Variants in DOCK11 observed in about 807,000 individuals in gnomAD.
DOCK11 encodes dedicator of cytokinesis protein 11.
DOCK11 carries 70 observed loss-of-function variants against 169.1 expected under a neutral mutation model. The observed-to-expected ratio is 0.41, with a 90% CI of 0.34 to 0.51. The LOEUF (loss-of-function observed/expected upper bound fraction) is 0.51. Ranked by LOEUF, DOCK11 falls within the 20% of genes least tolerant of loss-of-function variation. The pLI is 0.10. For synonymous variants in DOCK11, 529 were observed against 541.3 expected, an observed-to-expected ratio of 0.98 and a Z score of 0.32; for missense variants, 1,166 against 1,538.8, an observed-to-expected ratio of 0.76 and a Z score of 4.05.
At chrX:118,631,436 T>A (rs1462656919) in intron 35 of DOCK11, among the ~76,000 whole-genome samples, 1 of 111,564 alleles carries the variant, frequency 9.0e-6, no homozygotes, top group Non-Finnish European at 1.9e-5. Flanking sequence ...GTTCTAGGAA[T>A]GTACGATTTA....
chrX:118,586,809 C>T (rs1226398880), intron 16 of DOCK11, among the ~76,000 whole-genome samples: 1 of 111,495 alleles, frequency 9.0e-6, no homozygotes, highest in African/African-American at 3.3e-5. Context: ...CAGTATAGCT[C>T]TAGTGTAGTA....
rs192469626 is a variant in DOCK11 at position 118,548,436 on chromosome X, C to G, written c.558+2320C>G. 6.2e-3 allele frequency among the ~76,000 whole-genome samples: 693 copies of G among 111,788 alleles called. 7 individuals are homozygous for G. The highest frequency in any genetic ancestry group is 0.022 in the African/African-American group (672 of 30,763). On this transcript the variant is annotated intron_variant, in intron 6 of 52. Coordinates refer to ENST00000276202, the MANE Select transcript of DOCK11 (RefSeq NM_144658.4). ...GCAAAGAGGAATTAAAATTACTAAT[C>G]GGCAGGAGGGACGGTATCCACAATT...
chrX:118,671,803 C>A (rs975972060), intron 46 of DOCK11, among the ~76,000 whole-genome samples: 1 of 111,881 alleles, frequency 8.9e-6, no homozygotes, highest in Admixed American at 9.5e-5. Context: ...CCTCAGCCTT[C>A]CCAGTAGCTG....
At position 118,618,577 on chromosome X, in the gene DOCK11, A is replaced by G; in HGVS notation, c.3320A>G (p.Asp1107Gly). The part of the protein sequence containing the change: ...QDSNLEYSLS[D>G]EYCKHHFLVG... ...TCAAATCTTGAATACAGTTTATCAG[A>G]TGAGTATTGCAAGCATCACTTCTTG... Residue 1107 changes from aspartate (D) to glycine (G), a missense_variant, in exon 31 of 53, where the codon GAT becomes GGT. Asp to Gly is a moderately conservative substitution (Grantham distance 94). Transcript: ENST00000276202. 8.3e-7 allele frequency: 1 copy of G among 1,204,538 alleles called. No individual in the cohort carries two copies. Among genetic ancestry groups the G allele is most frequent in the Non-Finnish European group, 1.1e-6 (1 of 892,723 alleles).
At chrX:118,621,729 G>C (rs1200449833) in intron 31 of DOCK11, among the ~76,000 whole-genome samples, 1 of 111,284 alleles carries the variant, frequency 9.0e-6, no homozygotes, top group Non-Finnish European at 1.9e-5. Context: ...CGCCTCCCGG[G>C]TTCAAGCAGT....
At chrX:118,611,725 CTG>C (rs2014686973) in intron 28 of DOCK11, among the ~76,000 whole-genome samples, 1 of 111,881 alleles carries the variant, frequency 8.9e-6, no homozygotes, top group Admixed American at 9.5e-5. Context: ...GAGAATGTAA[CTG>C]TTTTTTCTTT....
intron 37 of DOCK11, 72 bp downstream of exon 37, chrX:118,638,199 G>A: frequency 1.0e-6 from 1 of 999,209 alleles, no homozygotes; most frequent in South Asian, 2.0e-5. Flanking sequence ...GTCATGCCAT[G>A]TAAAACCTAG....
chrX:118,559,346 C>G (rs762657230), intron 6 of DOCK11, among the ~76,000 whole-genome samples: 5 of 111,666 alleles, frequency 4.5e-5, no homozygotes, highest in Non-Finnish European at 7.5e-5. Flanking sequence ...GTAGGCTGTC[C>G]CACTGAAGCA....
At chrX:118,496,186 C>A in intron 1 of DOCK11, 113 bp downstream of exon 1, 1 of 515,524 alleles carries the variant, frequency 1.9e-6, no homozygotes, top group Non-Finnish European at 2.6e-6. Flanking sequence ...CGCTGTCTTT[C>A]TCCGCTCCAG....
chrX:118,649,038 A>G lies in DOCK11; in HGVS notation c.4492A>G (p.Arg1498Gly). 8.3e-7 allele frequency: 1 copy of G among 1,209,019 alleles called. No individual in the cohort carries two copies. Among genetic ancestry groups the G allele is most frequent in the Non-Finnish European group, 1.1e-6 (1 of 893,691 alleles). The change falls in exon 41 of 53, where the codon AGG becomes GGG. Residue 1498 changes from arginine to glycine, a missense_variant. Transcript: ENST00000276202. The stretch of plus-strand genomic sequence containing the variant: ...CTGCACATCGAAGATTAGCTCAACC[A>G]GGAATGAAGCATCTGCACTTTTGTA... ...KCCTSKISST[R>G]NEASALLYLL...
chrX:118,551,375 C>T (rs375341067), intron 6 of DOCK11, among the ~76,000 whole-genome samples: 10 of 111,875 alleles, frequency 8.9e-5, no homozygotes, highest in African/African-American at 3.2e-4. Context: ...TACGTTTAAG[C>T]GTCTTTATTC....
intron 52 of DOCK11, 123 bp downstream of exon 52, chrX:118,683,340 T>C (rs776709999): frequency 1.3e-5 from 10 of 775,621 alleles, no homozygotes; most frequent in Non-Finnish European, 1.8e-5. Context: ...TTAAACTTTT[T>C]TCATATTATC....
At chrX:118,542,520 T>TTTA (rs149027952) in intron 1 of DOCK11, among the ~76,000 whole-genome samples, 284 of 103,972 alleles carry the variant, frequency 2.7e-3, no homozygotes, top group Non-Finnish European at 3.6e-3. Context: ...GTGTGTGTGT[T>TTTA]TGTGTGTGTG....
At chrX:118,665,321 G>T (rs2016314439) in intron 45 of DOCK11, among the ~76,000 whole-genome samples, 1 of 112,187 alleles carries the variant, frequency 8.9e-6, no homozygotes, top group African/African-American at 3.2e-5. Flanking sequence ...ATTTTTGACT[G>T]TATAGCCTTG....
At chrX:118,555,323 G>A (rs1037464679) in intron 6 of DOCK11, among the ~76,000 whole-genome samples, 4 of 111,332 alleles carry the variant, frequency 3.6e-5, no homozygotes, top group African/African-American at 9.8e-5. Flanking sequence ...GGGAGGCCAA[G>A]CCAGAAGGAT....
Position 118,590,278 on chromosome X carries a change from C to T in DOCK11, c.2115C>T (p.Asn705=). The change falls in exon 19 of 53, where the codon AAC becomes AAT. Residue 705 remains asparagine, a synonymous_variant. Coordinates refer to ENST00000276202, the MANE Select transcript of DOCK11 (RefSeq NM_144658.4). ...TNAYAVVSHH[N]QNPEFYDEIK... The stretch of plus-strand genomic sequence containing the variant: ...CTTATGCTGTTGTCTCGCATCACAA[C>T]CAAAATCCAGAGTTCTATGATGAGG... The T allele has an allele frequency of 8.3e-7, 1 of 1,208,830 alleles. No homozygotes were observed. The highest frequency in any genetic ancestry group is 1.1e-6 in the Non-Finnish European group (1 of 893,031).
Position 118,574,034 on chromosome X carries a change from T to C in DOCK11, c.1389+16T>C. On this transcript the variant is annotated intron_variant, in intron 12 of 52. Coordinates refer to ENST00000276202, the MANE Select transcript of DOCK11 (RefSeq NM_144658.4). ...CATACAACAGGTAACGAATGACCTT[T>C]AGTCTTAGCAGCGTATTCAGAATAA... The C allele has an allele frequency of 4.2e-6, 5 of 1,182,250 alleles. No individual in the cohort carries two copies. The highest frequency in any genetic ancestry group is 3.4e-6 in the Non-Finnish European group (3 of 869,739).
chrX:118,654,618 C>T lies in DOCK11; in HGVS notation c.4712C>T (p.Ala1571Val), dbSNP rs1199019219. The T allele has an allele frequency of 3.3e-5, 40 of 1,208,913 alleles. No homozygotes were observed. Among genetic ancestry groups the T allele is most frequent in the Non-Finnish European group, 4.2e-5 (38 of 894,875 alleles). The change falls in exon 43 of 53, where the codon GCA becomes GTA. Residue 1571 changes from alanine (A) to valine (V), a missense_variant. By Grantham distance (64) the Ala-to-Val change is moderately conservative. Coordinates refer to ENST00000276202, the MANE Select transcript of DOCK11 (RefSeq NM_144658.4). ...DRPMKATAFP[A>V]EVKDLTKRIR... Reference sequence around the variant, plus strand: ...TGAAATTAGGCAACTGCCTTTCCCGCAGAAGTCAAAGACTTGACCAAGAGA... The same window carrying T: ...TGAAATTAGGCAACTGCCTTTCCCGTAGAAGTCAAAGACTTGACCAAGAGA...
chrX:118,649,541 C>T (rs755925325), intron 41 of DOCK11, among the ~76,000 whole-genome samples: 44 of 111,349 alleles, frequency 4.0e-4, no homozygotes, highest in Non-Finnish European at 7.5e-4. Context: ...TTTTTTGAGA[C>T]GGAGTCTCGC....
Sources: gnomAD v4.1 joint callset for allele counts (sites outside exome capture counted in the v4.1 genomes callset) on GRCh38, gnomAD v4.1.1 for gene constraint, MANE v1.5 for transcripts, NCBI Gene and HGNC (gene_info 2026-07-23, HGNC 2026-07-21) for gene names.